The following MYL12B variants were observed in gnomAD, a reference collection of about 807,000 sequenced individuals.
The protein encoded by MYL12B is myosin regulatory light chain 12B.
Under a neutral mutation model 12.9 loss-of-function variants are expected in MYL12B, and 3 were observed. That is an observed-to-expected ratio of 0.23 (90% CI 0.11 to 0.60). MYL12B has a LOEUF of 0.60. Ranked by LOEUF, MYL12B falls within the 20% of genes least tolerant of loss-of-function variation. The pLI, the probability that MYL12B is intolerant of heterozygous loss-of-function variation, is 0.89. For synonymous variants in MYL12B, 57 were observed against 71.9 expected (o/e 0.79, Z 1.05); for missense variants, 120 against 215.4 (o/e 0.56, Z 2.77).
At chr18:3,273,260 CA>C (rs2081697838) in intron 2 of MYL12B, among the ~76,000 whole-genome samples, 178 bp downstream of exon 2, 1 of 152,048 alleles carries the variant, frequency 6.6e-6, no homozygotes, top group Non-Finnish European at 1.5e-5. Context: ...GATAAGCCTA[CA>C]AGGTTGGGGA....
chr18:3,277,729 A>G (rs1327188353), intron 3 of MYL12B, 36 bp from the exon 4 acceptor site: 1 of 1,587,632 alleles, frequency 6.3e-7, no homozygotes, highest in Non-Finnish European at 8.5e-7. Context: ...GCCAGGAAGT[A>G]TTGATGACTG....
rs1285222480 is a variant in MYL12B, at chr18:3,278,371, T to G, written c.*434T>G. Reference sequence around the variant, plus strand: ...TATGATTCAGGTTTTATGGTAAAATTGATTTTTCACATATATGGGACAGTG... The same window carrying G: ...TATGATTCAGGTTTTATGGTAAAATGGATTTTTCACATATATGGGACAGTG... On this transcript the variant is annotated 3_prime_UTR_variant, in exon 4 of 4. Coordinates refer to ENST00000237500, the MANE Select transcript of MYL12B (RefSeq NM_033546.4). 1 of 161,362 alleles carries G rather than the reference T, an allele frequency of 6.2e-6. No individual in the cohort carries two copies. The highest frequency in any genetic ancestry group is 1.3e-5 in the Non-Finnish European group (1 of 74,322). 10.0% of individuals were successfully genotyped at this position (161,362 alleles called of 1,614,324 possible).
chr18:3,272,232 T>C (rs1031637811), intron 1 of MYL12B: 15 of 187,128 alleles, frequency 8.0e-5, no homozygotes, highest in Non-Finnish European at 8.9e-5. Context: ...GAAGTAGATA[T>C]CATGTTTTAC....
At chr18:3,272,094 C>T in intron 1 of MYL12B, 3 of 984,906 alleles carry the variant, frequency 3.0e-6, no homozygotes, top group Non-Finnish European at 3.6e-6. Flanking sequence ...AAAGTCTTGT[C>T]AAGGGAAAAG....
chr18:3,264,106 T>C (rs1598804843), intron 1 of MYL12B, among the ~76,000 whole-genome samples: 1 of 152,288 alleles, frequency 6.6e-6, no homozygotes, highest in East Asian at 1.9e-4. Context: ...GAGCAGTGGG[T>C]AGCTACTAAG....
intron 1 of MYL12B, among the ~76,000 whole-genome samples, chr18:3,266,252 G>A (rs2081633298): frequency 6.6e-6 from 1 of 152,188 alleles, no homozygotes; most frequent in Admixed American, 6.5e-5. Flanking sequence ...CGACAAGTTG[G>A]TGCTGGCTGT....
intron 2 of MYL12B, chr18:3,276,846 G>A: frequency 1.3e-6 from 1 of 799,256 alleles, no homozygotes; most frequent in Non-Finnish European, 1.5e-6. Flanking sequence ...AGACCAGCCT[G>A]GGCAACATAG....
chr18:3,277,625 A>G, intron 3 of MYL12B, 140 bp from the exon 4 acceptor site: 1 of 1,265,792 alleles, frequency 7.9e-7, no homozygotes, highest in South Asian at 1.6e-5. Context: ...TATAGTTCAT[A>G]TAGCCTTAGT....
At chr18:3,274,229 A>G (rs1008030861) in intron 2 of MYL12B, among the ~76,000 whole-genome samples, 3 of 152,216 alleles carry the variant, frequency 2.0e-5, no homozygotes, top group African/African-American at 7.2e-5. Flanking sequence ...TCTGAGGAAA[A>G]TTGAGGAATG....
chr18:3,277,757 T>C lies in MYL12B; in HGVS notation c.347-8T>C, dbSNP rs2144368344. ...GATGACTGCTTTCTTCTTTCTATTG[T>C]CTTCCAGGCACCATTCAGGAAGATT... On this transcript the variant is annotated splice_region_variant and splice_polypyrimidine_tract_variant and intron_variant, in intron 3 of 3. Coordinates refer to ENST00000237500, the MANE Select transcript of MYL12B (RefSeq NM_033546.4). 6.2e-7 allele frequency: 1 copy of C among 1,604,614 alleles called. No individual in the cohort carries two copies. The highest frequency in any genetic ancestry group is 1.1e-5 in the South Asian group (1 of 88,770).
intron 1 of MYL12B, among the ~76,000 whole-genome samples, chr18:3,272,623 CA>C (rs2081690153): frequency 6.6e-6 from 1 of 152,166 alleles, no homozygotes; most frequent in Non-Finnish European, 1.5e-5. Flanking sequence ...CTTGGCCTCC[CA>C]AAGTGTTGGG....
chr18:3,270,334 T>C (rs185581917), intron 1 of MYL12B, among the ~76,000 whole-genome samples: 1 of 152,336 alleles, frequency 6.6e-6, no homozygotes, highest in East Asian at 1.9e-4. Flanking sequence ...TGAAAAAAAT[T>C]TAAAATATAG....
chr18:3,266,147 G>A (rs537182793), intron 1 of MYL12B, among the ~76,000 whole-genome samples: 10 of 152,328 alleles, frequency 6.6e-5, no homozygotes, highest in African/African-American at 1.9e-4. Context: ...AGCAGCTTAG[G>A]TGGGTGGTTC....
At chr18:3,264,273 A>C (rs1248263047) in intron 1 of MYL12B, among the ~76,000 whole-genome samples, 1 of 152,194 alleles carries the variant, frequency 6.6e-6, no homozygotes, top group African/African-American at 2.4e-5. Context: ...TATACACTAT[A>C]TACAACTGTG....
intron 1 of MYL12B, among the ~76,000 whole-genome samples, chr18:3,268,536 T>C (rs1205165928): frequency 6.6e-6 from 1 of 152,080 alleles, no homozygotes; most frequent in African/African-American, 2.4e-5. Context: ...TTCCAGGGAG[T>C]GCCACTCACA....
chr18:3,265,789 G>C (rs1419713422), intron 1 of MYL12B, among the ~76,000 whole-genome samples: 1 of 152,182 alleles, frequency 6.6e-6, no homozygotes, highest in African/African-American at 2.4e-5. Context: ...TTGCTGGTCA[G>C]AGCCAGAGGA....
intron 2 of MYL12B, chr18:3,276,257 C>G (rs2081730255): frequency 6.4e-6 from 1 of 157,300 alleles, no homozygotes; most frequent in East Asian, 2.1e-4. Context: ...CCAGTTCTGC[C>G]ACTTCCTCCT....
At chr18:3,273,498 A>C (rs2081700093) in intron 2 of MYL12B, among the ~76,000 whole-genome samples, 3 of 152,072 alleles carry the variant, frequency 2.0e-5, no homozygotes, top group African/African-American at 7.2e-5. Flanking sequence ...GGAAAAGGGA[A>C]CACAGTGAAG....
At chr18:3,274,782 C>T (rs11663983) in intron 2 of MYL12B, among the ~76,000 whole-genome samples, 16,206 of 152,220 alleles carry the variant, frequency 0.11, 919 homozygotes, top group Non-Finnish European at 0.13. Context: ...TGTAGAAGTA[C>T]GGAGTCTTTC....
Sources: allele counts gnomAD v4.1 joint callset (sites outside exome capture counted in the v4.1 genomes callset), GRCh38; gene constraint gnomAD v4.1.1; transcripts MANE v1.5; gene names NCBI Gene and HGNC (gene_info 2026-07-23, HGNC 2026-07-21).